Variants in LRFN5 observed in about 807,000 individuals in gnomAD.
The protein encoded by LRFN5 is leucine-rich repeat and fibronectin type-III domain-containing protein 5.
A neutral mutation model predicts 45.6 loss-of-function variants in LRFN5; 24 were observed. The observed-to-expected ratio is 0.53, with a 90% CI of 0.38 to 0.74. The LOEUF is 0.74. Ranked by LOEUF, LRFN5 falls within the 30% of genes least tolerant of loss-of-function variation. The probability of loss-of-function intolerance (pLI) is 0.00; values close to 1 mark genes in which losing one functional copy is unlikely to be tolerated. For synonymous variants in LRFN5, 340 were observed against 313.8 expected, an observed-to-expected ratio of 1.08 and a Z score of -0.88; for missense variants, 776 against 861.5, an observed-to-expected ratio of 0.90 and a Z score of 1.24.
chr14:41,624,394 T>G (rs1888250345), intron 1 of LRFN5, among the ~76,000 whole-genome samples: 1 of 152,088 alleles, frequency 6.6e-6, no homozygotes, highest in African/African-American at 2.4e-5. Context: ...AATATAATAT[T>G]ATATCATTTG....
chr14:41,877,302 G>T (rs769034918), intron 2 of LRFN5, among the ~76,000 whole-genome samples: 3 of 152,110 alleles, frequency 2.0e-5, no homozygotes, highest in Non-Finnish European at 4.4e-5. Flanking sequence ...AGAATACTAT[G>T]CCCTGCTAAT....
chr14:41,698,311 C>T (rs1024240816), intron 1 of LRFN5, among the ~76,000 whole-genome samples: 2 of 152,050 alleles, frequency 1.3e-5, no homozygotes, highest in Non-Finnish European at 2.9e-5. Flanking sequence ...TTCACTTTCT[C>T]TAGGAGCCTG....
chr14:41,790,466 G>A lies in LRFN5; in HGVS notation c.-21+23437G>A, dbSNP rs191816238. Among the ~76,000 whole-genome samples, 189 of 150,934 alleles carry A rather than the reference G, an allele frequency of 1.3e-3. 1 individual carries two copies. The highest frequency in any genetic ancestry group is 1.7e-3 in the Non-Finnish European group (113 of 67,630). ...TTCTTATCGCTACTATTTCCTTCCCGTTACTCCCATAATTTATTTTAATAT... is the reference window on the plus strand; with the variant it reads ...TTCTTATCGCTACTATTTCCTTCCCATTACTCCCATAATTTATTTTAATAT... On this transcript the variant is annotated intron_variant, in intron 2 of 5. Coordinates refer to ENST00000298119, the MANE Select transcript of LRFN5 (RefSeq NM_152447.5).
intron 1 of LRFN5, among the ~76,000 whole-genome samples, chr14:41,739,061 T>C (rs1884573170): frequency 2.0e-5 from 3 of 152,110 alleles, no homozygotes; most frequent in Admixed American, 2.0e-4. Flanking sequence ...ATATCATCTG[T>C]TGTGACTAAA....
At chr14:41,871,658 T>A (rs1890024264) in intron 2 of LRFN5, among the ~76,000 whole-genome samples, 1 of 152,100 alleles carries the variant, frequency 6.6e-6, no homozygotes. Context: ...ATACTTATTG[T>A]TTGCAAAGCA....
chr14:41,892,018 C>T, intron 4 of LRFN5, 56 bp downstream of exon 4: 1 of 1,572,738 alleles, frequency 6.4e-7, no homozygotes, highest in Non-Finnish European at 8.6e-7. Flanking sequence ...AGTACTCCCT[C>T]AATGGAGAAT....
chr14:41,868,468 G>A (rs1208978722), intron 2 of LRFN5, among the ~76,000 whole-genome samples: 1 of 152,106 alleles, frequency 6.6e-6, no homozygotes, highest in Non-Finnish European at 1.5e-5. Context: ...TGATAATAGT[G>A]TTGGTAGTCA....
At chr14:41,610,664 A>AAAAAAAAAAAAAAC (rs1566587002) in intron 1 of LRFN5, among the ~76,000 whole-genome samples, 1 of 133,200 alleles carries the variant, frequency 7.5e-6, no homozygotes, top group Non-Finnish European at 1.5e-5. Context: ...GGGAAGGTAA[A>AAAAAAAAAAAAAAC]AAAAAAAAAA....
chr14:41,840,433 G>A (rs1888819644), intron 2 of LRFN5, among the ~76,000 whole-genome samples: 1 of 151,962 alleles, frequency 6.6e-6, no homozygotes, highest in Admixed American at 6.6e-5. Flanking sequence ...ACAGTGCCAT[G>A]GAATGACTTC....
chr14:41,851,318 A>C (rs181116563), intron 2 of LRFN5, among the ~76,000 whole-genome samples: 1 of 151,840 alleles, frequency 6.6e-6, no homozygotes, highest in East Asian at 1.9e-4. Context: ...TGGTATATTT[A>C]CTACTCAGTT....
chr14:41,716,253 C>A (rs1403523218), intron 1 of LRFN5, among the ~76,000 whole-genome samples: 1 of 152,140 alleles, frequency 6.6e-6, no homozygotes, highest in Non-Finnish European at 1.5e-5. Flanking sequence ...TTTCCATTGT[C>A]TTGGGGATTA....
intron 2 of LRFN5, among the ~76,000 whole-genome samples, chr14:41,800,287 C>A (rs944884189): frequency 1.3e-5 from 2 of 151,834 alleles, no homozygotes; most frequent in African/African-American, 2.4e-5. Flanking sequence ...ACAGATGAAA[C>A]CAAAAGAAAT....
chr14:41,730,396 G>A (rs566911185), intron 1 of LRFN5, among the ~76,000 whole-genome samples: 6 of 151,640 alleles, frequency 4.0e-5, no homozygotes, highest in Non-Finnish European at 5.9e-5. Context: ...GCTAAATTTC[G>A]AACACTTTAG....
intron 1 of LRFN5, among the ~76,000 whole-genome samples, chr14:41,733,088 T>C (rs1884251761): frequency 6.7e-6 from 1 of 149,566 alleles, no homozygotes; most frequent in African/African-American, 2.5e-5. Context: ...GGACCATTGG[T>C]ATGTCATCAA....
chr14:41,672,940 ATAT>A (rs1245554274), intron 1 of LRFN5, among the ~76,000 whole-genome samples: 1 of 152,186 alleles, frequency 6.6e-6, no homozygotes, highest in Admixed American at 6.5e-5. Context: ...ATATTGTATC[ATAT>A]TATATAAATA....
chr14:41,726,134 A>G (rs1403919593), intron 1 of LRFN5, among the ~76,000 whole-genome samples: 2 of 152,144 alleles, frequency 1.3e-5, no homozygotes, highest in South Asian at 2.1e-4. Context: ...TTGGCTTACA[A>G]TTGGCCATAG....
intron 1 of LRFN5, among the ~76,000 whole-genome samples, chr14:41,680,946 A>C (rs762479454): frequency 1.3e-5 from 2 of 152,086 alleles, no homozygotes; most frequent in Admixed American, 6.6e-5. Flanking sequence ...AATCAAGCAG[A>C]AATTCTGGAA....
In LRFN5 at chr14:41,887,803, G is replaced by T. The variant is rs368716591; in HGVS notation, c.1178G>T (p.Gly393Val). The T allele has an allele frequency of 6.2e-7, 1 of 1,613,916 alleles. No homozygotes were observed. Among genetic ancestry groups the T allele is most frequent in the Non-Finnish European group, 8.5e-7 (1 of 1,179,962 alleles). The part of the protein sequence containing the change: ...STNHIHEPDP[G>V]SSDISTSTKS... ...AACCATATCCATGAGCCTGATCCTG[G>T]TTCTTCAGATATCTCAACTTCTACC... The change falls in exon 3 of 6, where the codon GGT (glycine) becomes GTT (valine). Residue 393 changes from glycine to valine, a missense_variant. Around this residue, in one of 2 missense-constraint regions of LRFN5, gnomAD observed 465 missense variants for 456.4 expected, o/e 1.02. Coordinates refer to ENST00000298119, the MANE Select transcript of LRFN5 (RefSeq NM_152447.5). The surrounding 1 kb of genome is among the most constrained non-coding windows in gnomAD (Gnocchi z 4.8).
chr14:41,894,971 T>C, intron 4 of LRFN5: 1 of 975,252 alleles, frequency 1.0e-6, no homozygotes, highest in Non-Finnish European at 1.2e-6. Context: ...TATATATACA[T>C]ATATATTATT....
Sources: gnomAD v4.1 joint callset for allele counts (sites outside exome capture counted in the v4.1 genomes callset) on GRCh38, gnomAD v4.1.1 for gene constraint, gnomAD v4.1.1 regional missense constraint, Gnocchi (gnomAD v3.1) non-coding constraint, MANE v1.5 for transcripts, NCBI Gene and HGNC (gene_info 2026-07-23, HGNC 2026-07-21) for gene names.